Variants in PRKAG2 observed in about 807,000 individuals in gnomAD.
PRKAG2 encodes the protein protein kinase AMP-activated non-catalytic subunit gamma 2, also known as 5'-AMP-activated protein kinase subunit gamma-2.
In PRKAG2, 26 loss-of-function variants were observed where a neutral mutation model predicts 69.6. The observed-to-expected ratio is 0.37, with a 90% CI of 0.27 to 0.52. The LOEUF is 0.52. Among genes scored for constraint, PRKAG2 ranks in the 20% least tolerant of loss-of-function variants. The pLI, the probability that PRKAG2 is intolerant of heterozygous loss-of-function variation, is 0.90. For synonymous variants in PRKAG2, 293 were observed against 285.0 expected, an observed-to-expected ratio of 1.03 and a Z score of -0.28; for missense variants, 557 against 740.0, an observed-to-expected ratio of 0.75 and a Z score of 2.87.
At chr7:151,649,680 T>C (rs1191448675) in intron 4 of PRKAG2, among the ~76,000 whole-genome samples, 1 of 152,132 alleles carries the variant, frequency 6.6e-6, no homozygotes, top group Non-Finnish European at 1.5e-5. Context: ...GAGCTGGTTG[T>C]TCAAAAGCAT....
intron 4 of PRKAG2, among the ~76,000 whole-genome samples, chr7:151,635,907 C>T (rs943211766): frequency 6.0e-5 from 9 of 150,986 alleles, no homozygotes; most frequent in Non-Finnish European, 1.3e-4. Context: ...TCGCTTTGTC[C>T]CCCAGGCTGG....
intron 1 of PRKAG2, among the ~76,000 whole-genome samples, chr7:151,813,507 G>A (rs1338870192): frequency 7.8e-6 from 1 of 128,804 alleles, no homozygotes. Context: ...AAAAAAAAAA[G>A]GACATGGCTT....
intron 3 of PRKAG2, among the ~76,000 whole-genome samples, chr7:151,690,987 A>G (rs1835574566): frequency 6.6e-6 from 1 of 152,236 alleles, no homozygotes; most frequent in Non-Finnish European, 1.5e-5. Context: ...CAACAAGTAG[A>G]CAAATCTAAC....
Position 151,688,147 on chromosome 7 carries a change from T to C in PRKAG2, c.467-12510A>G, listed in dbSNP as rs1385632039. Among the ~76,000 whole-genome samples, 3 of 149,856 alleles carry C rather than the reference T, an allele frequency of 2.0e-5. No homozygotes were observed. The South Asian group carries it at 6.4e-4, about 32-fold the overall frequency. ...CAATAGGAGACCTGGGGGACTTTCA[T>C]ACTCTCAGCTGATGCCAGGGTGCCC... On this transcript the variant is annotated intron_variant, in intron 3 of 15. Coordinates refer to ENST00000287878, the MANE Select transcript of PRKAG2 (RefSeq NM_016203.4).
rs1417749234 is a variant in PRKAG2 at position 151,556,867 on chromosome 7, G to A, written c.*334C>T. On this transcript the variant is annotated 3_prime_UTR_variant, in exon 16 of 16. Coordinates refer to ENST00000287878, the MANE Select transcript of PRKAG2 (RefSeq NM_016203.4). Reference sequence around the variant, plus strand: ...TAAGGCACTGTGATCTGAACATACCGTGCACTCACCTTATGCCACATCACC... The same window carrying A: ...TAAGGCACTGTGATCTGAACATACCATGCACTCACCTTATGCCACATCACC... The A allele has an allele frequency of 5.3e-6, 2 of 378,976 alleles. No individual in the cohort carries two copies. Among genetic ancestry groups the A allele is most frequent in the Non-Finnish European group, 1.0e-5 (2 of 199,590 alleles). The allele number at this position is 378,976 out of a possible 1,614,324, so 23.5% of individuals were successfully genotyped here.
chr7:151,783,851 C>T (rs2076857703), intron 2 of PRKAG2, among the ~76,000 whole-genome samples: 1 of 132,726 alleles, frequency 7.5e-6, no homozygotes, highest in African/African-American at 2.9e-5. Flanking sequence ...GTGGAGGTTG[C>T]AGTGAGCAAG....
At chr7:151,823,160 G>A (rs769947820) in intron 1 of PRKAG2, among the ~76,000 whole-genome samples, 4 of 151,858 alleles carry the variant, frequency 2.6e-5, no homozygotes, top group African/African-American at 4.8e-5. Context: ...CAGCACAGCC[G>A]CCTGGGGACA....
chr7:151,855,414 A>ACACACCACCC (rs2079730827), intron 1 of PRKAG2, among the ~76,000 whole-genome samples: 1 of 16,818 alleles, frequency 5.9e-5, no homozygotes, highest in Non-Finnish European at 1.1e-4. Flanking sequence ...CACCCTCCAC[A>ACACACCACCC]TACACCATGC....
intron 1 of PRKAG2, among the ~76,000 whole-genome samples, chr7:151,793,091 C>A (rs933733513): frequency 6.6e-6 from 1 of 152,218 alleles, no homozygotes; most frequent in African/African-American, 2.4e-5. Context: ...TCTGTTTTTA[C>A]CCACTGAAGC....
chr7:151,847,706 C>G (rs992645771), intron 1 of PRKAG2, among the ~76,000 whole-genome samples: 2 of 152,368 alleles, frequency 1.3e-5, no homozygotes, highest in East Asian at 3.9e-4. Context: ...CCAGCCCTTG[C>G]TCCCAGCCTG....
chr7:151,610,844 T>C (rs377396734), intron 5 of PRKAG2, among the ~76,000 whole-genome samples: 1 of 146,234 alleles, frequency 6.8e-6, no homozygotes, highest in Non-Finnish European at 1.5e-5. Flanking sequence ...CTCCATCTCC[T>C]GGGTTTAAGT....
At chr7:151,752,222 TA>T (rs901424071) in intron 3 of PRKAG2, among the ~76,000 whole-genome samples, 1 of 152,128 alleles carries the variant, frequency 6.6e-6, no homozygotes, top group East Asian at 1.9e-4. Flanking sequence ...TACACAGCCA[TA>T]AAAAAGAAAG....
chr7:151,679,928 G>A (rs1833582730), intron 3 of PRKAG2, among the ~76,000 whole-genome samples: 1 of 151,748 alleles, frequency 6.6e-6, no homozygotes, highest in Non-Finnish European at 1.5e-5. Context: ...GGCCAGATAT[G>A]GTGACATATG....
chr7:151,571,928 C>T lies in PRKAG2; in HGVS notation c.1051+736G>A, dbSNP rs114924661. Among the ~76,000 whole-genome samples, 543 of 152,302 alleles carry T rather than the reference C, an allele frequency of 3.6e-3. 7 individuals are homozygous for T. Among genetic ancestry groups the T allele is most frequent in the African/African-American group, 0.012 (499 of 41,554 alleles). ...CAAAATTTTCCTTCAGTTGGTCCCT[C>T]CATTTCTACCAGTGTTTCCTTGAGC... On this transcript the variant is annotated intron_variant, in intron 9 of 15. Transcript: ENST00000287878.
In PRKAG2 at chr7:151,870,154, T is replaced by TAGATAGATAGATAGATAGGCAGGC. The variant is rs1159760978; in HGVS notation, c.114+6352_114+6353insGCCTGCCTATCTATCTATCTATCT. Among the ~76,000 whole-genome samples, 105 of 138,414 alleles carry TAGATAGATAGATAGATAGGCAGGC rather than the reference T, an allele frequency of 7.6e-4. 1 individual carries two copies. The highest frequency in any genetic ancestry group is 2.6e-3 in the African/African-American group (96 of 36,240). 90.8% of individuals were successfully genotyped at this position (138,414 alleles called of 152,430 possible). ...ATAGATAGATAGATAGATAGATAGA[T>TAGATAGATAGATAGATAGGCAGGC]AGGCAGGCAGGCAGGCAGGCAGGCA... On this transcript the variant is annotated intron_variant, in intron 1 of 15. Transcript: ENST00000287878.
intron 1 of PRKAG2, among the ~76,000 whole-genome samples, chr7:151,857,921 G>A (rs547245012): frequency 7.2e-5 from 11 of 152,180 alleles, no homozygotes; most frequent in South Asian, 2.1e-4. Context: ...AAAGAATTGC[G>A]GGTTTTACTC....
chr7:151,684,206 C>G (rs944165233), intron 3 of PRKAG2, among the ~76,000 whole-genome samples: 2 of 152,150 alleles, frequency 1.3e-5, no homozygotes, highest in Non-Finnish European at 2.9e-5. Flanking sequence ...TTCCCCTCGT[C>G]GCTCCAGGCC....
intron 5 of PRKAG2, among the ~76,000 whole-genome samples, chr7:151,629,002 A>AC (rs1563296280): frequency 6.6e-6 from 1 of 151,972 alleles, no homozygotes; most frequent in Non-Finnish European, 1.5e-5. Flanking sequence ...ATCACGTGCC[A>AC]CCCCCTAAGG....
In PRKAG2 at chr7:151,632,464, C is replaced by T; in HGVS notation, c.685-326G>A. 1 of 725,486 alleles carries T rather than the reference C, an allele frequency of 1.4e-6. No homozygotes were observed. Among genetic ancestry groups the T allele is most frequent in the Middle Eastern group, 7.0e-4 (1 of 1,432 alleles). 44.9% of individuals were successfully genotyped at this position (725,486 alleles called of 1,614,324 possible). On this transcript the variant is annotated intron_variant, in intron 4 of 15. Transcript: ENST00000287878. This position sits in a 1 kb window ranked among gnomAD's most constrained non-coding sequence, Gnocchi z 4.2. ...CCCGGGAGCTCGAGGGCGGCAGCGC[C>T]TGGGCCCGGGGCGCCCCCCTCCGGC...
Sources: gnomAD v4.1 joint callset for allele counts (sites outside exome capture counted in the v4.1 genomes callset) on GRCh38, gnomAD v4.1.1 for gene constraint, Gnocchi (gnomAD v3.1) non-coding constraint, MANE v1.5 for transcripts, NCBI Gene and HGNC (gene_info 2026-07-23, HGNC 2026-07-21) for gene names.